EDA2R: variants seen among roughly 807,000 people sequenced by gnomAD.
EDA2R encodes ectodysplasin A2 receptor, also known as tumor necrosis factor receptor superfamily member 27.
Under a neutral mutation model 20.1 loss-of-function variants are expected in EDA2R, and 26 were observed. That is an observed-to-expected ratio of 1.30 (90% CI 0.95 to 1.80). EDA2R has a LOEUF of 1.80. EDA2R is among the 40% of genes most tolerant of loss of function. EDA2R has a pLI of 0.00. For missense variants in EDA2R, 277 were observed against 228.7 expected, an observed-to-expected ratio of 1.21 and a Z score of -1.36; for synonymous variants, 114 against 88.7, an observed-to-expected ratio of 1.29 and a Z score of -1.60.
intron 1 of EDA2R, among the ~76,000 whole-genome samples, chrX:66,628,817 G>C (rs1933413298): frequency 9.0e-6 from 1 of 110,855 alleles, no homozygotes; most frequent in Non-Finnish European, 1.9e-5. Context: ...TAGAGAAAGA[G>C]GGAAGCCACC....
At chrX:66,634,430 T>C (rs978446069) in intron 1 of EDA2R, among the ~76,000 whole-genome samples, 3 of 111,145 alleles carry the variant, frequency 2.7e-5, no homozygotes, top group African/African-American at 9.8e-5. Flanking sequence ...AGAAATACCA[T>C]CCAGCTCTAC....
intron 2 of EDA2R, among the ~76,000 whole-genome samples, chrX:66,605,612 T>C (rs768169497): frequency 8.9e-6 from 1 of 111,741 alleles, no homozygotes; most frequent in Non-Finnish European, 1.9e-5. Flanking sequence ...GTACCCGGGG[T>C]TACAGAAGCT....
At chrX:66,599,927 G>A in intron 5 of EDA2R, 67 bp from the exon 6 acceptor site, 1 of 1,158,771 alleles carries the variant, frequency 8.6e-7, no homozygotes, top group Non-Finnish European at 1.2e-6. Context: ...TGGGCACTGG[G>A]TACTGAGTAC....
At chrX:66,619,766 G>A (rs1932298434) in intron 1 of EDA2R, among the ~76,000 whole-genome samples, 1 of 111,675 alleles carries the variant, frequency 9.0e-6, no homozygotes, top group Non-Finnish European at 1.9e-5. Flanking sequence ...TCTGATCTGT[G>A]TAACTCAGAA....
At chrX:66,604,056 C>T (rs988802720) in intron 4 of EDA2R, among the ~76,000 whole-genome samples, 1 of 111,334 alleles carries the variant, frequency 9.0e-6, no homozygotes, top group Non-Finnish European at 1.9e-5. Context: ...GTCCTCAGCC[C>T]TAGGGGCTCC....
At position 66,599,715 on chromosome X, in the gene EDA2R, G is replaced by T. The variant is rs373280220; in HGVS notation, c.663C>A (p.Asp221Glu). ...TQPLNPILED[D>E]CSSTSGFPTQ... ...TGGGGAAGCCACTAGTCGAGCTGCAGTCGTCCTCGAGGATAGGGTTAAGTG... is the reference window on the plus strand; with the variant it reads ...TGGGGAAGCCACTAGTCGAGCTGCATTCGTCCTCGAGGATAGGGTTAAGTG... The change falls in exon 6 of 7, where the codon GAC becomes GAA. Residue 221 changes from aspartate to glutamate, a missense_variant. Transcript: ENST00000374719. The T allele has an allele frequency of 6.6e-6, 8 of 1,208,142 alleles. No homozygotes were observed. In the African/African-American group the frequency reaches 1.2e-4, roughly 19 times the overall value.
chrX:66,625,443 T>A (rs767843501), intron 1 of EDA2R, among the ~76,000 whole-genome samples: 2 of 110,343 alleles, frequency 1.8e-5, no homozygotes, highest in South Asian at 7.9e-4. Context: ...GCAGCCATAA[T>A]CCTCCTAGGT....
intron 2 of EDA2R, among the ~76,000 whole-genome samples, chrX:66,611,270 A>G (rs764070821): frequency 1.8e-5 from 2 of 111,615 alleles, no homozygotes; most frequent in African/African-American, 6.5e-5. Context: ...GTCTCCTGAC[A>G]TAATTGACAA....
chrX:66,630,852 A>ACACACAC (rs758748441), intron 1 of EDA2R, among the ~76,000 whole-genome samples: 1 of 72,526 alleles, frequency 1.4e-5, no homozygotes, highest in African/African-American at 4.6e-5. Flanking sequence ...CACACACACA[A>ACACACAC]ACACACGTAT....
intron 1 of EDA2R, among the ~76,000 whole-genome samples, chrX:66,627,239 G>A (rs1933188129): frequency 8.9e-6 from 1 of 111,830 alleles, no homozygotes; most frequent in Admixed American, 9.4e-5. Flanking sequence ...AAGATACACA[G>A]GCAACAAATA....
chrX:66,633,590 C>G (rs1249202022), intron 1 of EDA2R, among the ~76,000 whole-genome samples: 2 of 111,350 alleles, frequency 1.8e-5, no homozygotes, highest in African/African-American at 6.5e-5. Context: ...CCACCCAGAG[C>G]TGGGGAACAA....
chrX:66,637,822 G>A (rs941244809), intron 1 of EDA2R, among the ~76,000 whole-genome samples: 2 of 111,875 alleles, frequency 1.8e-5, no homozygotes, highest in South Asian at 7.5e-4. Flanking sequence ...GCCCCATGAG[G>A]TGGGTGCTAT....
At position 66,629,043 on chromosome X, in the gene EDA2R, A is replaced by G. The variant is rs1416605615; in HGVS notation, c.-11+9952T>C. Among the ~76,000 whole-genome samples, 3 of 112,096 alleles carry G rather than the reference A, an allele frequency of 2.7e-5. No homozygotes were observed. The East Asian group carries it at 8.4e-4, about 31-fold the overall frequency. On this transcript the variant is annotated intron_variant, in intron 1 of 6. Transcript: ENST00000374719. ...ACGCAGGGATGGTTTAACATACACA[A>G]GGCAATAAATGTGATATACCCCATA...
rs555978486 is a variant in EDA2R, at chrX:66,608,724, G to T, written c.88-3498C>A. 2.7e-5 allele frequency among the ~76,000 whole-genome samples: 3 copies of T among 111,886 alleles called. No homozygotes were observed. In the East Asian group the frequency reaches 8.5e-4, roughly 32 times the overall value. On this transcript the variant is annotated intron_variant, in intron 2 of 6. Coordinates refer to ENST00000374719, the MANE Select transcript of EDA2R (RefSeq NM_021783.5). ...AACAGACAATGGAGAGTAACCCAAA[G>T]CCATGCAAAGAGTAAATATCTCTGG...
intron 6 of EDA2R, 67 bp from the exon 7 acceptor site, chrX:66,598,160 C>A: frequency 2.4e-6 from 1 of 423,483 alleles, no homozygotes; most frequent in Non-Finnish European, 3.6e-6. Context: ...CTTTCTCTAC[C>A]CCTCCAAATA....
Position 66,599,836 on chromosome X carries a change from T to C in EDA2R, c.542A>G (p.Asp181Gly), listed in dbSNP as rs1322966329. The C allele has an allele frequency of 8.3e-7, 1 of 1,205,196 alleles. No individual in the cohort carries two copies. The highest frequency in any genetic ancestry group is 1.1e-6 in the Non-Finnish European group (1 of 893,183). ...GAGAGATTCCTCCTTTGCTGTTTTA[T>C]CAGCCTCAAACTGCAGCAAACCTCC... ...QRGGLLQFEA[D>G]KTAKEESLFP... Residue 181 changes from aspartate to glycine, a missense_variant, in exon 6 of 7, where the codon GAT becomes GGT. Asp to Gly is a moderately conservative substitution (Grantham distance 94). Transcript: ENST00000374719.
At chrX:66,627,773 G>T (rs1211982572) in intron 1 of EDA2R, among the ~76,000 whole-genome samples, 1 of 111,730 alleles carries the variant, frequency 9.0e-6, no homozygotes, top group Non-Finnish European at 1.9e-5. Flanking sequence ...CACTAGACAG[G>T]TCATCAAGAG....
chrX:66,605,591 T>A (rs1375776402), intron 2 of EDA2R, among the ~76,000 whole-genome samples: 2 of 112,009 alleles, frequency 1.8e-5, no homozygotes, highest in East Asian at 5.7e-4. Context: ...CTGTACATCA[T>A]CCTCAATGGG....
At chrX:66,615,760 C>A (rs958763951) in intron 2 of EDA2R, among the ~76,000 whole-genome samples, 174 bp downstream of exon 2, 8 of 111,790 alleles carry the variant, frequency 7.2e-5, no homozygotes, top group Non-Finnish European at 1.5e-4. Context: ...TCCTGCTAGG[C>A]TGACTTCATG....
Sources: gnomAD v4.1 joint callset for allele counts (sites outside exome capture counted in the v4.1 genomes callset) on GRCh38, gnomAD v4.1.1 for gene constraint, MANE v1.5 for transcripts, NCBI Gene and HGNC (gene_info 2026-07-23, HGNC 2026-07-21) for gene names.